The following CNBD2 variants were observed in gnomAD, a reference collection of about 807,000 sequenced individuals.
The protein encoded by CNBD2 is cyclic nucleotide-binding domain-containing protein 2.
In CNBD2, 64 loss-of-function variants were observed where a neutral mutation model predicts 63.7. The observed-to-expected ratio is 1.00, with a 90% CI of 0.82 to 1.24. The LOEUF (loss-of-function observed/expected upper bound fraction) is 1.24, where lower values mean the gene tolerates loss of function less well. Ranked by LOEUF, CNBD2 falls within the 50% of genes most tolerant of loss-of-function variation. CNBD2 has a pLI of 0.00. For synonymous variants in CNBD2, 229 were observed against 255.4 expected (o/e 0.90, Z 0.99); for missense variants, 691 against 713.5 (o/e 0.97, Z 0.36).
chr20:35,976,496 G>A lies in CNBD2; in HGVS notation c.243+494G>A, dbSNP rs115607592. Among the ~76,000 whole-genome samples, 276 of 152,306 alleles carry A rather than the reference G, an allele frequency of 1.8e-3. 1 individual carries two copies. The highest frequency in any genetic ancestry group is 6.5e-3 in the African/African-American group (272 of 41,558). ...CTGTTGACACTCGGAAGGCTGAGGTGGGAGGATCACTTGAGGCCAGGAGTT... is the reference window on the plus strand; with the variant it reads ...CTGTTGACACTCGGAAGGCTGAGGTAGGAGGATCACTTGAGGCCAGGAGTT... On this transcript the variant is annotated intron_variant, in intron 3 of 11. Coordinates refer to ENST00000373973, the MANE Select transcript of CNBD2 (RefSeq NM_001365709.1).
At chr20:35,958,889 G>T (rs981289382), downstream of CNBD2, 1 of 152,154 alleles carries the variant, frequency 6.6e-6, no homozygotes, top group African/African-American at 2.4e-5. Context: ...ATAATCATTT[G>T]GGCTTGGCTC....
upstream of CNBD2, among the ~76,000 whole-genome samples, chr20:35,968,289 C>G (rs1302744758): frequency 6.6e-6 from 1 of 152,064 alleles, no homozygotes; most frequent in Admixed American, 6.5e-5. Flanking sequence ...TGTCATGGCA[C>G]TGGTAGGAGT....
At chr20:36,006,492 A>G (rs1477561091) in intron 8 of CNBD2, among the ~76,000 whole-genome samples, 2 of 152,156 alleles carry the variant, frequency 1.3e-5, no homozygotes, top group Admixed American at 6.5e-5. Context: ...ACATGGCTCA[A>G]TACAACCTTG....
chr20:36,006,016 T>C (rs2056979439), intron 8 of CNBD2, among the ~76,000 whole-genome samples: 1 of 151,510 alleles, frequency 6.6e-6, no homozygotes. Flanking sequence ...TTGATTCTCA[T>C]ACTAGAGATT....
At chr20:36,004,815 A>T (rs61207827) in intron 8 of CNBD2, among the ~76,000 whole-genome samples, 14 of 151,946 alleles carry the variant, frequency 9.2e-5, no homozygotes, top group African/African-American at 2.9e-4. Flanking sequence ...TTCCCACCTC[A>T]GCCTCCCAAA....
chr20:36,010,444 CAAA>C (rs147122121), intron 9 of CNBD2, among the ~76,000 whole-genome samples: 6 of 92,970 alleles, frequency 6.5e-5, no homozygotes, highest in Admixed American at 1.2e-4. Context: ...AACTCTGTCT[CAAA>C]AAAAAAAAAA....
chr20:36,026,490 G>A (rs2057284578), intron 11 of CNBD2, among the ~76,000 whole-genome samples: 2 of 151,882 alleles, frequency 1.3e-5, no homozygotes, highest in South Asian at 4.1e-4. Flanking sequence ...CCTTTCAATG[G>A]TATCTCACTG....
At chr20:35,973,558 C>T (rs6060732) in intron 2 of CNBD2, 8,492 of 152,196 alleles carry the variant, frequency 0.056, 327 homozygotes, top group South Asian at 0.21. Flanking sequence ...TACAGGCACC[C>T]GCCACCACAC....
At chr20:36,023,145 G>T (rs955135477) in intron 10 of CNBD2, among the ~76,000 whole-genome samples, 1 of 152,076 alleles carries the variant, frequency 6.6e-6, no homozygotes, top group African/African-American at 2.4e-5. Context: ...AGCAAAAGGG[G>T]CCCAGGATTT....
intron 7 of CNBD2, among the ~76,000 whole-genome samples, chr20:35,994,595 A>C (rs576781348): frequency 6.6e-6 from 1 of 151,514 alleles, no homozygotes; most frequent in Non-Finnish European, 1.5e-5. Context: ...AAAAGAAAAA[A>C]AAAAAGCACC....
At chr20:35,996,502 C>CT (rs1349894287) in intron 8 of CNBD2, among the ~76,000 whole-genome samples, 49 of 146,492 alleles carry the variant, frequency 3.3e-4, no homozygotes, top group Non-Finnish European at 4.6e-4. Context: ...TAATAGCTCT[C>CT]TTTTTGTTTT....
intron 10 of CNBD2, among the ~76,000 whole-genome samples, chr20:36,023,109 A>G (rs760930435): frequency 2.4e-4 from 36 of 152,268 alleles, no homozygotes; most frequent in Admixed American, 1.1e-3. Flanking sequence ...TTCTAATTCC[A>G]CGGTTAGAGG....
intron 1 of CNBD2, among the ~76,000 whole-genome samples, chr20:35,969,693 T>C (rs1405309188): frequency 6.6e-6 from 1 of 152,232 alleles, no homozygotes; most frequent in Non-Finnish European, 1.5e-5. Flanking sequence ...AACCATAATG[T>C]ATTGATCCCT....
At chr20:36,020,135 T>G (rs1470355861) in intron 10 of CNBD2, among the ~76,000 whole-genome samples, 2 of 152,042 alleles carry the variant, frequency 1.3e-5, no homozygotes, top group East Asian at 3.8e-4. Flanking sequence ...CAGGCTGGAG[T>G]GCAGTGGCAT....
chr20:35,984,491 T>G, intron 5 of CNBD2, 136 bp from the exon 6 acceptor site: 2 of 902,342 alleles, frequency 2.2e-6, no homozygotes, highest in Non-Finnish European at 3.3e-6. Flanking sequence ...TGCAGGAGAA[T>G]AGAGGAGGCT....
intron 8 of CNBD2, among the ~76,000 whole-genome samples, chr20:36,003,642 T>G (rs1419284616): frequency 6.6e-6 from 1 of 152,164 alleles, no homozygotes; most frequent in Non-Finnish European, 1.5e-5. Flanking sequence ...GGTGATTCTT[T>G]CCCCAGCCTT....
intron 11 of CNBD2, among the ~76,000 whole-genome samples, chr20:36,026,636 G>T (rs1011552289): frequency 6.6e-6 from 1 of 152,138 alleles, no homozygotes; most frequent in African/African-American, 2.4e-5. Context: ...GCTAGATGCT[G>T]CACATACCTT....
rs1365994937 is a variant in CNBD2, at chr20:35,961,445, G to T, written c.228+3671G>T. ...CTTTTCTTTGAACTATTACATCTTT[G>T]CTTTGATCTCTTGTTTTAAAATTCA... is the stretch of plus-strand genomic sequence containing the variant. On this transcript the variant is annotated intron_variant, in intron 2 of 4. Coordinates refer to the CNBD2 transcript ENST00000622112. 2.0e-5 allele frequency among the ~76,000 whole-genome samples: 3 copies of T among 152,062 alleles called. No homozygotes were observed. In the East Asian group the frequency reaches 5.8e-4, roughly 29 times the overall value.
rs1347305470 is a variant in CNBD2, at chr20:35,980,449, C to G, written c.244-10C>G. The G allele has an allele frequency of 6.2e-7, 1 of 1,613,956 alleles. No homozygotes were observed. The highest frequency in any genetic ancestry group is 8.5e-7 in the Non-Finnish European group (1 of 1,179,896). On this transcript the variant is annotated splice_polypyrimidine_tract_variant and intron_variant, in intron 3 of 11. Coordinates refer to ENST00000373973, the MANE Select transcript of CNBD2 (RefSeq NM_001365709.1). ...GGGTCCCCTGTATCACTCTGGTCCT[C>G]TCTCCCCAGGGTCACTTTCCTCCAA...
Sources: gnomAD v4.1 joint callset for allele counts (sites outside exome capture counted in the v4.1 genomes callset) on GRCh38, gnomAD v4.1.1 for gene constraint, MANE v1.5 for transcripts, NCBI Gene and HGNC (gene_info 2026-07-23, HGNC 2026-07-21) for gene names.